FCRL4: variants seen among roughly 807,000 people sequenced by gnomAD.
FCRL4 encodes the protein Fc receptor like 4, also known as Fc receptor-like protein 4.
In FCRL4, 43 loss-of-function variants were observed where a neutral mutation model predicts 64.1. The ratio of observed to expected loss-of-function variants is 0.67; its 90% CI spans 0.53 to 0.87. The LOEUF is 0.87. Ranked by LOEUF, FCRL4 falls within the 40% of genes least tolerant of loss-of-function variation. The pLI, the probability that FCRL4 is intolerant of heterozygous loss-of-function variation, is 0.00. For missense variants in FCRL4, 656 were observed against 613.5 expected (o/e 1.07, Z -0.73); for synonymous variants, 253 against 239.8 (o/e 1.05, Z -0.51).
At chr1:157,594,784 C>A (rs1652922309) in intron 2 of FCRL4, among the ~76,000 whole-genome samples, 1 of 152,182 alleles carries the variant, frequency 6.6e-6, no homozygotes, top group Non-Finnish European at 1.5e-5. Flanking sequence ...GAAGAAAATG[C>A]CCTTCCTCTG....
chr1:157,576,153 T>C (rs1347601311), intron 10 of FCRL4, among the ~76,000 whole-genome samples: 1 of 152,258 alleles, frequency 6.6e-6, no homozygotes, highest in African/African-American at 2.4e-5. Context: ...TAACAAGTTC[T>C]AGTTCTTGAT....
At chr1:157,590,813 C>T (rs935724404) in intron 2 of FCRL4, among the ~76,000 whole-genome samples, 4 of 152,024 alleles carry the variant, frequency 2.6e-5, no homozygotes, top group African/African-American at 7.2e-5. Context: ...CACCATGCCC[C>T]GTCTAATCTA....
In FCRL4 at chr1:157,575,508, G is replaced by GTAACTTTTCATTCTCT; in HGVS notation, c.1548_*15dup. 6.2e-7 allele frequency: 1 copy of GTAACTTTTCATTCTCT among 1,602,112 alleles called. No individual in the cohort carries two copies. Among genetic ancestry groups the GTAACTTTTCATTCTCT allele is most frequent in the Non-Finnish European group, 8.5e-7 (1 of 1,170,512 alleles). ...GAAATCACATGAGTAGGACGTTCTCGTAACTTTTCATTCTCTTAACTTTCT... is the reference window on the plus strand; with the variant it reads ...GAAATCACATGAGTAGGACGTTCTCGTAACTTTTCATTCTCTTAACTTTTCATTCTCTTAACTTTCT... On this transcript the variant is annotated 3_prime_UTR_variant, in exon 12 of 12. Transcript: ENST00000271532.
Position 157,574,411 on chromosome 1 carries a change from T to C in FCRL4, c.*1113A>G, listed in dbSNP as rs1652355510. 1 of 213,196 alleles carries C rather than the reference T, an allele frequency of 4.7e-6. No individual in the cohort carries two copies. Among genetic ancestry groups the C allele is most frequent in the Non-Finnish European group, 9.5e-6 (1 of 105,430 alleles). The allele number at this position is 213,196 out of a possible 1,614,324, so 13.2% of individuals were successfully genotyped here. On this transcript the variant is annotated 3_prime_UTR_variant, in exon 12 of 12. Coordinates refer to ENST00000271532, the MANE Select transcript of FCRL4 (RefSeq NM_031282.3). ...ACTTGGGGCATGGATAATTTGTAGG[T>C]GGTATTGTACACTTCCATCAGGAGA...
At chr1:157,588,285 C>G (rs1157079019) in intron 3 of FCRL4, among the ~76,000 whole-genome samples, 166 bp from the exon 4 acceptor site, 1 of 152,204 alleles carries the variant, frequency 6.6e-6, no homozygotes, top group Non-Finnish European at 1.5e-5. Flanking sequence ...GCTTCAGGTA[C>G]AATTCCTAAA....
chr1:157,578,527 C>G lies in FCRL4; in HGVS notation c.1376G>C (p.Gly459Ala). Residue 459 changes from glycine (G) to alanine (A), a missense_variant, in exon 10 of 12, where the codon GGA becomes GCA. Gly to Ala is a moderately conservative substitution (Grantham distance 60, BLOSUM62 0). Coordinates refer to ENST00000271532, the MANE Select transcript of FCRL4 (RefSeq NM_031282.3). ...CTGGATCTCAGAGTATACCAAATCT[C>G]CCTTTTTGGGGTGTACTGGAAAGAA... ...SLYVDVHPKK[G>A]DLVYSEIQTT... 6.2e-7 allele frequency: 1 copy of G among 1,613,960 alleles called. No individual in the cohort carries two copies.
chr1:157,579,699 AATACATACATACATACATAC>A (rs71084243), intron 8 of FCRL4, among the ~76,000 whole-genome samples: 12 of 123,656 alleles, frequency 9.7e-5, no homozygotes, highest in African/African-American at 3.9e-4. Flanking sequence ...CCTGGGTGAC[AATACATACATACATACATAC>A]ATACATACAT....
In FCRL4 at chr1:157,596,190, C is replaced by T. The variant is rs568536926; in HGVS notation, c.52+138G>A. ...GGTTCTTAGGGTCAGAGTCACCACA[C>T]GAGCTGATGTCTCTACATCCCTGCA... On this transcript the variant is annotated intron_variant, in intron 2 of 11. Transcript: ENST00000271532. 21 of 937,070 alleles carry T rather than the reference C, an allele frequency of 2.2e-5. 1 individual carries two copies. The highest frequency in any genetic ancestry group is 6.6e-5 in the African/African-American group (4 of 61,034). 58.0% of individuals were successfully genotyped at this position (937,070 alleles called of 1,614,324 possible).
chr1:157,579,261 T>C (rs1380964999), intron 8 of FCRL4, among the ~76,000 whole-genome samples: 1 of 152,114 alleles, frequency 6.6e-6, no homozygotes, highest in East Asian at 1.9e-4. Flanking sequence ...TCCTAGATAC[T>C]TGGGAGGCTG....
intron 3 of FCRL4, among the ~76,000 whole-genome samples, chr1:157,588,355 A>G (rs956253690): frequency 6.6e-6 from 1 of 152,256 alleles, no homozygotes; most frequent in African/African-American, 2.4e-5. Context: ...AAGGAGTCTA[A>G]TACGGAGAAT....
Position 157,574,423 on chromosome 1 carries a change from C to T in FCRL4, c.*1101G>A, listed in dbSNP as rs1652355882. On this transcript the variant is annotated 3_prime_UTR_variant, in exon 12 of 12. Transcript: ENST00000271532. ...GATAATTTGTAGGTGGTATTGTACA[C>T]TTCCATCAGGAGACCTCTAATATTT... is the stretch of plus-strand genomic sequence containing the variant. 4.7e-6 allele frequency: 1 copy of T among 213,536 alleles called. No homozygotes were observed. The highest frequency in any genetic ancestry group is 9.5e-6 in the Non-Finnish European group (1 of 105,646). The allele number at this position is 213,536 out of a possible 1,614,324, so 13.2% of individuals were successfully genotyped here. A position where few individuals can be genotyped will look rare whatever the true frequency, so the allele number is the denominator to read the frequency against.
At chr1:157,597,012 C>A (rs1162161165) in intron 1 of FCRL4, among the ~76,000 whole-genome samples, 1 of 152,192 alleles carries the variant, frequency 6.6e-6, no homozygotes. Flanking sequence ...GGGCTTAGCA[C>A]AAATTAACTG....
At chr1:157,576,339 G>A (rs1311673404) in intron 10 of FCRL4, among the ~76,000 whole-genome samples, 1 of 152,164 alleles carries the variant, frequency 6.6e-6, no homozygotes, top group Admixed American at 6.5e-5. Flanking sequence ...ACACTCTGGG[G>A]CACTTGAGGT....
intron 2 of FCRL4, among the ~76,000 whole-genome samples, chr1:157,591,838 T>C (rs1002668028): frequency 2.6e-5 from 4 of 152,154 alleles, no homozygotes; most frequent in African/African-American, 9.6e-5. Context: ...TTCAAATGCA[T>C]GTAAATGTTT....
chr1:157,585,410 C>CTTTCTT (rs1298931344), intron 6 of FCRL4, among the ~76,000 whole-genome samples: 1 of 116,202 alleles, frequency 8.6e-6, no homozygotes, highest in Non-Finnish European at 1.8e-5. Flanking sequence ...TTCTTTCTTT[C>CTTTCTT]TTTCTTTCTT....
At chr1:157,592,083 C>A (rs149071369) in intron 2 of FCRL4, among the ~76,000 whole-genome samples, 5 of 152,086 alleles carry the variant, frequency 3.3e-5, no homozygotes, top group South Asian at 4.1e-4. Flanking sequence ...ACACCTTATA[C>A]AAAAATTAAC....
intron 2 of FCRL4, among the ~76,000 whole-genome samples, chr1:157,593,158 C>G (rs547755059): frequency 6.6e-6 from 1 of 152,222 alleles, no homozygotes; most frequent in South Asian, 2.1e-4. Context: ...ATGGGTGCAG[C>G]AAACCAACAT....
At chr1:157,580,090 G>T (rs569866735) in intron 8 of FCRL4, among the ~76,000 whole-genome samples, 6 of 152,332 alleles carry the variant, frequency 3.9e-5, no homozygotes, top group African/African-American at 1.4e-4. Context: ...CCATTTAGAT[G>T]AGTAGGTTAA....
rs1051429012 is a variant in FCRL4, at chr1:157,574,102, C to T, written c.*1422G>A. 1 of 217,548 alleles carries T rather than the reference C, an allele frequency of 4.6e-6. No homozygotes were observed. Among genetic ancestry groups the T allele is most frequent in the African/African-American group, 2.2e-5 (1 of 44,450 alleles). The allele number at this position is 217,548 out of a possible 1,614,324, so 13.5% of individuals were successfully genotyped here. ...AAATCAGCGTAGTTGGGATATCTGTCACCTTAAATATTCGTCTTTTCTTTA... is the reference window on the plus strand; with the variant it reads ...AAATCAGCGTAGTTGGGATATCTGTTACCTTAAATATTCGTCTTTTCTTTA... On this transcript the variant is annotated 3_prime_UTR_variant, in exon 12 of 12. Coordinates refer to ENST00000271532, the MANE Select transcript of FCRL4 (RefSeq NM_031282.3).
Sources: gnomAD v4.1 joint callset for allele counts (sites outside exome capture counted in the v4.1 genomes callset) on GRCh38, gnomAD v4.1.1 for gene constraint, MANE v1.5 for transcripts, NCBI Gene and HGNC (gene_info 2026-07-23, HGNC 2026-07-21) for gene names.